MAGI2: variants seen among roughly 807,000 people sequenced by gnomAD.
MAGI2 encodes the protein membrane associated guanylate kinase, WW and PDZ domain containing 2, also known as membrane-associated guanylate kinase, WW and PDZ domain-containing protein 2.
In MAGI2, 35 loss-of-function variants were observed where a neutral mutation model predicts 133.3. The ratio of observed to expected loss-of-function variants is 0.26; its 90% CI spans 0.20 to 0.35. The LOEUF (loss-of-function observed/expected upper bound fraction) is 0.35, where lower values mean the gene tolerates loss of function less well. Among genes scored for constraint, MAGI2 ranks in the 10% least tolerant of loss-of-function variants. The pLI is 1.00. For missense variants in MAGI2, 1,636 were observed against 1,863.4 expected (o/e 0.88, Z 2.25); for synonymous variants, 729 against 710.6 (o/e 1.03, Z -0.41).
At chr7:78,196,874 T>G (rs1828789041) in intron 11 of MAGI2, among the ~76,000 whole-genome samples, 1 of 152,256 alleles carries the variant, frequency 6.6e-6, no homozygotes, top group Admixed American at 6.5e-5. Context: ...TAGTTCAATT[T>G]CCTCCTGTGA....
intron 6 of MAGI2, among the ~76,000 whole-genome samples, chr7:78,390,854 T>C (rs1267480160): frequency 6.6e-6 from 1 of 152,198 alleles, no homozygotes; most frequent in Non-Finnish European, 1.5e-5. Flanking sequence ...GACACTGATC[T>C]CATAAATGAT....
At chr7:79,127,248 C>T (rs754493135) in intron 1 of MAGI2, among the ~76,000 whole-genome samples, 6 of 152,088 alleles carry the variant, frequency 3.9e-5, no homozygotes, top group Non-Finnish European at 7.3e-5. Flanking sequence ...GTGAATGGTG[C>T]CACAATAAAC....
At chr7:78,432,441 C>T (rs1444815718) in intron 6 of MAGI2, among the ~76,000 whole-genome samples, 1 of 152,028 alleles carries the variant, frequency 6.6e-6, no homozygotes, top group African/African-American at 2.4e-5. Flanking sequence ...GTCAGTGAAA[C>T]CCAGGTTTTG....
chr7:79,255,592 G>A (rs1833625026), intron 1 of MAGI2, among the ~76,000 whole-genome samples: 1 of 152,244 alleles, frequency 6.6e-6, no homozygotes, highest in South Asian at 2.1e-4. Flanking sequence ...GAAAATTTTA[G>A]AAAATAGTAC....
At chr7:79,409,877 C>T (rs533280611) in intron 1 of MAGI2, 1 of 152,046 alleles carries the variant, frequency 6.6e-6, no homozygotes, top group African/African-American at 2.4e-5. Flanking sequence ...CAAAGGATAA[C>T]ATTTCCAATA....
intron 1 of MAGI2, among the ~76,000 whole-genome samples, chr7:79,316,500 CACAT>C (rs1308909265): frequency 6.6e-6 from 1 of 152,112 alleles, no homozygotes; most frequent in Admixed American, 6.6e-5. Context: ...TATTCATACG[CACAT>C]ACATATGCAT....
chr7:79,084,975 G>C (rs1816361680), intron 1 of MAGI2, among the ~76,000 whole-genome samples: 1 of 151,888 alleles, frequency 6.6e-6, no homozygotes, highest in East Asian at 1.9e-4. Flanking sequence ...TATGTGATGA[G>C]TTTCTTCACT....
intron 9 of MAGI2, among the ~76,000 whole-genome samples, chr7:78,276,446 C>G (rs548577875): frequency 6.6e-6 from 1 of 151,948 alleles, no homozygotes; most frequent in South Asian, 2.1e-4. Flanking sequence ...AAGATTAGAG[C>G]TAAGTGGTGG....
intron 4 of MAGI2, among the ~76,000 whole-genome samples, chr7:78,511,585 T>C (rs1398858991): frequency 7.1e-6 from 1 of 141,300 alleles, no homozygotes; most frequent in African/African-American, 2.6e-5. Context: ...CAGTGAAACA[T>C]GCACATGGTA....
At chr7:78,165,725 C>G (rs972147009) in intron 15 of MAGI2, among the ~76,000 whole-genome samples, 1 of 152,162 alleles carries the variant, frequency 6.6e-6, no homozygotes, top group Non-Finnish European at 1.5e-5. Context: ...TTGCACCTCC[C>G]ACTGCCTTTG....
intron 1 of MAGI2, among the ~76,000 whole-genome samples, chr7:79,330,734 A>G (rs1936434156): frequency 6.6e-6 from 1 of 152,044 alleles, no homozygotes; most frequent in Non-Finnish European, 1.5e-5. Flanking sequence ...TTATGGCCAA[A>G]GATTGTTGTG....
chr7:79,267,540 A>C (rs147927950), intron 1 of MAGI2, among the ~76,000 whole-genome samples: 1 of 152,018 alleles, frequency 6.6e-6, no homozygotes, highest in African/African-American at 2.4e-5. Flanking sequence ...TTATAATAGA[A>C]CTTGTCTATG....
chr7:78,662,481 AATT>A (rs1336696230), intron 2 of MAGI2, among the ~76,000 whole-genome samples: 1 of 152,148 alleles, frequency 6.6e-6, no homozygotes, highest in Non-Finnish European at 1.5e-5. Flanking sequence ...ACTTTTCTAA[AATT>A]ATTATCATTT....
intron 9 of MAGI2, among the ~76,000 whole-genome samples, chr7:78,295,496 C>G (rs930963759): frequency 2.6e-5 from 4 of 152,172 alleles, no homozygotes; most frequent in Admixed American, 2.6e-4. Context: ...AAATCTTATT[C>G]AGCGTCCTCA....
intron 4 of MAGI2, among the ~76,000 whole-genome samples, chr7:78,507,255 T>A (rs1246547946): frequency 1.3e-5 from 2 of 152,198 alleles, no homozygotes; most frequent in Non-Finnish European, 2.9e-5. Context: ...CCATATTTAT[T>A]ACTCACAAAG....
chr7:79,434,899 C>T (rs1848033002), intron 1 of MAGI2, among the ~76,000 whole-genome samples: 1 of 152,120 alleles, frequency 6.6e-6, no homozygotes, highest in South Asian at 2.1e-4. Context: ...TAGTAGAAAG[C>T]CTAAATAGAA....
chr7:78,069,819 A>T (rs1308833106), intron 21 of MAGI2, among the ~76,000 whole-genome samples: 3 of 151,996 alleles, frequency 2.0e-5, no homozygotes, highest in Admixed American at 6.5e-5. Flanking sequence ...TAGGGAAAGC[A>T]GCCCTCTTGC....
chr7:78,059,773 A>ATTT (rs749682096), intron 21 of MAGI2, among the ~76,000 whole-genome samples: 4 of 77,140 alleles, frequency 5.2e-5, no homozygotes, highest in Non-Finnish European at 7.9e-5. Flanking sequence ...ATATATATAT[A>ATTT]TATATTTTTT....
chr7:78,949,632 G>A (rs1267509334), intron 2 of MAGI2, among the ~76,000 whole-genome samples: 2 of 152,084 alleles, frequency 1.3e-5, no homozygotes, highest in African/African-American at 4.8e-5. Context: ...TATTATCAAA[G>A]TTTTTATGTT....
Sources: gnomAD v4.1 joint callset for allele counts (sites outside exome capture counted in the v4.1 genomes callset) on GRCh38, gnomAD v4.1.1 for gene constraint, MANE v1.5 for transcripts, NCBI Gene and HGNC (gene_info 2026-07-23, HGNC 2026-07-21) for gene names.